Variants in TANC2 observed in about 807,000 individuals in gnomAD.
The protein encoded by TANC2 is protein TANC2.
A neutral mutation model predicts 210.5 loss-of-function variants in TANC2; 26 were observed. The observed-to-expected ratio is 0.12, with a 90% confidence interval of 0.09 to 0.17. TANC2 has a LOEUF of 0.17. Ranked by LOEUF, TANC2 falls within the 10% of genes least tolerant of loss-of-function variation. The pLI, the probability that TANC2 is intolerant of heterozygous loss-of-function variation, is 1.00. For synonymous variants in TANC2, 931 were observed against 967.1 expected, an observed-to-expected ratio of 0.96 and a Z score of 0.69; for missense variants, 2,129 against 2,608.9, an observed-to-expected ratio of 0.82 and a Z score of 4.01.
intron 1 of TANC2, among the ~76,000 whole-genome samples, chr17:62,984,043 A>G (rs529314806): frequency 2.6e-4 from 40 of 152,256 alleles, no homozygotes; most frequent in African/African-American, 8.9e-4. Context: ...AACTCTTAGT[A>G]TTAATTATTC....
intron 17 of TANC2, 29 bp from the exon 18 acceptor site, chr17:63,395,714 C>T (rs1340701723): frequency 3.7e-6 from 6 of 1,605,442 alleles, no homozygotes; most frequent in Non-Finnish European, 3.4e-6. Context: ...AGTCTGTGTT[C>T]ACACATATCT....
chr17:62,977,035 C>G (rs1598175049), intron 1 of TANC2, among the ~76,000 whole-genome samples: 1 of 152,224 alleles, frequency 6.6e-6, no homozygotes, highest in Non-Finnish European at 1.5e-5. Context: ...CTCCTTTGTT[C>G]CATGCACTCT....
intron 9 of TANC2, among the ~76,000 whole-genome samples, chr17:63,300,762 A>G (rs2044686530): frequency 1.3e-5 from 2 of 152,068 alleles, no homozygotes; most frequent in South Asian, 4.2e-4. Context: ...ATGTGAATAC[A>G]CTTTATTTCT....
chr17:63,259,847 A>G (rs900383969), intron 8 of TANC2, among the ~76,000 whole-genome samples: 9 of 152,174 alleles, frequency 5.9e-5, no homozygotes, highest in African/African-American at 2.2e-4. Flanking sequence ...TCTTCAGTTT[A>G]TCAGCTTAAA....
At chr17:63,314,075 G>C (rs2045225903) in intron 9 of TANC2, among the ~76,000 whole-genome samples, 1 of 152,098 alleles carries the variant, frequency 6.6e-6, no homozygotes. Flanking sequence ...TGCATCCGTA[G>C]TGATTGCTGG....
chr17:63,151,094 T>C (rs1305322407), intron 4 of TANC2, 176 bp from the exon 5 acceptor site: 1 of 153,680 alleles, frequency 6.5e-6, no homozygotes, highest in Non-Finnish European at 1.4e-5. Context: ...TGACAGAGTG[T>C]GTCGTTCATT....
intron 2 of TANC2, among the ~76,000 whole-genome samples, chr17:63,049,992 T>G (rs1034278474): frequency 6.6e-6 from 1 of 151,986 alleles, no homozygotes; most frequent in Admixed American, 6.6e-5. Flanking sequence ...AGGAAGACTG[T>G]GAGAGGAGCA....
intron 14 of TANC2, among the ~76,000 whole-genome samples, chr17:63,362,218 C>T (rs1171311338): frequency 6.6e-6 from 1 of 152,216 alleles, no homozygotes; most frequent in Non-Finnish European, 1.5e-5. Context: ...GTGGGTAGCT[C>T]CTATCTGCAG....
intron 14 of TANC2, among the ~76,000 whole-genome samples, chr17:63,358,912 T>C (rs1204149760): frequency 3.3e-5 from 5 of 152,088 alleles, no homozygotes; most frequent in Non-Finnish European, 7.4e-5. Flanking sequence ...TTTCTATTCC[T>C]CATTTTCTCA....
rs974775715 is a variant in TANC2, at chr17:63,156,486, A to G, written c.433+5106A>G. On this transcript the variant is annotated intron_variant, in intron 5 of 27. Coordinates refer to ENST00000689528, the Ensembl canonical transcript of TANC2. Reference sequence around the variant, plus strand: ...CAAAAAGCTAGAAGTTGTATAGTGGATAGACTTGAGAGGAGAATGAAAAAG... The same window carrying G: ...CAAAAAGCTAGAAGTTGTATAGTGGGTAGACTTGAGAGGAGAATGAAAAAG... 6.6e-5 allele frequency among the ~76,000 whole-genome samples: 10 copies of G among 152,144 alleles called. 1 individual carries two copies. The highest frequency in any genetic ancestry group is 4.6e-4 in the Admixed American group (7 of 15,292).
chr17:63,033,656 A>G (rs1356388620), intron 2 of TANC2, among the ~76,000 whole-genome samples: 2 of 152,090 alleles, frequency 1.3e-5, no homozygotes, highest in East Asian at 3.9e-4. Context: ...CATGTTTATA[A>G]AGGAAGTTTC....
At chr17:63,039,811 A>G (rs944838181) in intron 2 of TANC2, among the ~76,000 whole-genome samples, 3 of 152,244 alleles carry the variant, frequency 2.0e-5, no homozygotes, top group Middle Eastern at 6.8e-3. Flanking sequence ...CATGCCCTCT[A>G]TATAAAGAGG....
intron 9 of TANC2, among the ~76,000 whole-genome samples, chr17:63,296,486 G>A (rs2044540346): frequency 6.6e-6 from 1 of 152,130 alleles, no homozygotes; most frequent in South Asian, 2.1e-4. Context: ...TATTCAGAAG[G>A]CACAGTTTTT....
chr17:63,094,071 T>C (rs1439169616), intron 3 of TANC2, among the ~76,000 whole-genome samples: 1 of 152,222 alleles, frequency 6.6e-6, no homozygotes, highest in Non-Finnish European at 1.5e-5. Flanking sequence ...CAAATGTTCA[T>C]TGCTAGTATA....
intron 9 of TANC2, among the ~76,000 whole-genome samples, chr17:63,306,599 A>G (rs1598818576): frequency 6.6e-6 from 1 of 152,222 alleles, no homozygotes; most frequent in African/African-American, 2.4e-5. Flanking sequence ...TGATAAGAAC[A>G]TAAAATAATT....
At chr17:63,145,035 G>A (rs1172262374) in intron 4 of TANC2, among the ~76,000 whole-genome samples, 2 of 147,580 alleles carry the variant, frequency 1.4e-5, no homozygotes, top group African/African-American at 2.5e-5. Context: ...GTTTTTTTTT[G>A]TGTGTGCTTT....
intron 8 of TANC2, among the ~76,000 whole-genome samples, chr17:63,240,448 C>T (rs772349017): frequency 3.9e-5 from 6 of 152,134 alleles, no homozygotes; most frequent in Non-Finnish European, 8.8e-5. Context: ...TCCCTTAGAA[C>T]CTTTTTTCAC....
chr17:63,060,148 T>C (rs2035943179), intron 2 of TANC2, among the ~76,000 whole-genome samples: 1 of 152,226 alleles, frequency 6.6e-6, no homozygotes, highest in African/African-American at 2.4e-5. Flanking sequence ...ATTACTCGCT[T>C]GCTTTATCCC....
chr17:63,265,368 G>C (rs1477876912), intron 8 of TANC2, among the ~76,000 whole-genome samples: 1 of 152,302 alleles, frequency 6.6e-6, no homozygotes, highest in East Asian at 1.9e-4. Flanking sequence ...ACCTATATCA[G>C]TCTTCTTAAT....
Sources: gnomAD v4.1 joint callset for allele counts (sites outside exome capture counted in the v4.1 genomes callset) on GRCh38, gnomAD v4.1.1 for gene constraint, MANE v1.5 for transcripts, NCBI Gene and HGNC (gene_info 2026-07-23, HGNC 2026-07-21) for gene names.